ZZEF1: variants seen among roughly 807,000 people sequenced by gnomAD.
ZZEF1 encodes zinc finger ZZ-type and EF-hand domain-containing protein 1.
ZZEF1 carries 157 observed loss-of-function variants against 342.8 expected under a neutral mutation model. That is an observed-to-expected ratio of 0.46 (90% confidence interval 0.40 to 0.52). The LOEUF (loss-of-function observed/expected upper bound fraction) is 0.52, where lower values mean the gene tolerates loss of function less well. Among genes scored for constraint, ZZEF1 ranks in the 20% least tolerant of loss-of-function variants. The pLI, the probability that ZZEF1 is intolerant of heterozygous loss-of-function variation, is 0.00. For missense variants in ZZEF1, 3,480 were observed against 3,725.6 expected (o/e 0.93, Z 1.72); for synonymous variants, 1,505 against 1,429.1 (o/e 1.05, Z -1.20).
chr17:4,104,386 A>C (rs1420744442), intron 8 of ZZEF1, among the ~76,000 whole-genome samples: 2 of 152,176 alleles, frequency 1.3e-5, no homozygotes, highest in African/African-American at 4.8e-5. Context: ...ATGGGAGTAT[A>C]GCCTTGTGGA....
chr17:4,080,094 A>G (rs2057694049), intron 18 of ZZEF1, among the ~76,000 whole-genome samples: 1 of 152,176 alleles, frequency 6.6e-6, no homozygotes, highest in Admixed American at 6.5e-5. Flanking sequence ...GCAGGTTCTT[A>G]AGCCCTATCC....
At chr17:4,048,001 A>ACC (rs1368445938) in intron 37 of ZZEF1, among the ~76,000 whole-genome samples, 1 of 152,176 alleles carries the variant, frequency 6.6e-6, no homozygotes, top group Non-Finnish European at 1.5e-5. Flanking sequence ...CCATAAAAAA[A>ACC]CCCTATTAAG....
In ZZEF1 at chr17:4,064,688, G is replaced by T. The variant is rs1338891413; in HGVS notation, c.4391C>A (p.Ser1464Tyr). The T allele has an allele frequency of 6.2e-7, 1 of 1,614,236 alleles. No individual in the cohort carries two copies. The highest frequency in any genetic ancestry group is 1.3e-5 in the African/African-American group (1 of 75,064). Residue 1464 changes from serine to tyrosine, a missense_variant, in exon 29 of 55, where the codon TCT becomes TAT. Transcript: ENST00000381638. ...QPLNKRQRTS[S>Y]VVEEHFQASV... ...GGCTTGGAAATGCTCTTCCACCACA[G>T]AGCTTGTCCTCTGACGCTTGTTGAG... is the stretch of plus-strand genomic sequence containing the variant.
At chr17:4,137,404 A>T (rs1458787686) in intron 1 of ZZEF1, among the ~76,000 whole-genome samples, 2 of 152,244 alleles carry the variant, frequency 1.3e-5, no homozygotes, top group Admixed American at 6.5e-5. Flanking sequence ...AGGTCAGGAG[A>T]TCGAGACCAT....
chr17:4,059,946 A>G (rs2057249105), intron 30 of ZZEF1, among the ~76,000 whole-genome samples: 1 of 152,214 alleles, frequency 6.6e-6, no homozygotes, highest in Non-Finnish European at 1.5e-5. Context: ...CTTTTCTTCA[A>G]TACCAGTGGG....
chr17:4,010,804 C>T (rs1412807688), intron 52 of ZZEF1, among the ~76,000 whole-genome samples: 1 of 151,006 alleles, frequency 6.6e-6, no homozygotes, highest in African/African-American at 2.4e-5. Context: ...AAATAACCTG[C>T]ATATACAGCA....
Position 4,005,156 on chromosome 17 carries a change from T to A in ZZEF1, c.*1734A>T, listed in dbSNP as rs576415227. On this transcript the variant is annotated 3_prime_UTR_variant, in exon 55 of 55. Coordinates refer to ENST00000381638, the MANE Select transcript of ZZEF1 (RefSeq NM_015113.4). ...CTCCCAAGCACTAAGACTTGTTTCC[T>A]GTGAGTCCCCTCTTGGGAAACTCCT... The A allele has an allele frequency of 6.6e-5, 10 of 152,446 alleles. No individual in the cohort carries two copies. The East Asian group carries it at 1.5e-3, about 24-fold the overall frequency. 9.4% of individuals were successfully genotyped at this position (152,446 alleles called of 1,614,324 possible). A position where few individuals can be genotyped will look rare whatever the true frequency, so the allele number is the denominator to read the frequency against.
rs1203188641 is a variant in ZZEF1, at chr17:4,032,923, T to G, written c.6664A>C (p.Ile2222Leu). The G allele has an allele frequency of 2.5e-6, 4 of 1,613,384 alleles. No homozygotes were observed. In the African/African-American group the frequency reaches 5.3e-5, roughly 22 times the overall value. The change falls in exon 41 of 55, where the codon ATT becomes CTT. Residue 2222 changes from isoleucine (I) to leucine (L), a missense_variant. Ile to Leu is a conservative substitution (Grantham distance 5). Transcript: ENST00000381638. ...LNSAPLWRDV[I>L]ATFTDHCIKQ... ...ATGCAGTGGTCTGTGAAGGTGGCAA[T>G]GACATCACGCCACAGTGGGGCACTG...
intron 24 of ZZEF1, 56 bp downstream of exon 24, chr17:4,074,094 G>T: frequency 6.3e-7 from 1 of 1,586,540 alleles, no homozygotes; most frequent in Non-Finnish European, 8.6e-7. Context: ...GGGCAAGCGC[G>T]CATCTTGCAC....
chr17:4,086,452 A>C, intron 15 of ZZEF1, 34 bp downstream of exon 15: 1 of 1,611,858 alleles, frequency 6.2e-7, no homozygotes, highest in Non-Finnish European at 8.5e-7. Context: ...CTACCTACAC[A>C]GGGTTGTATT....
intron 25 of ZZEF1, among the ~76,000 whole-genome samples, chr17:4,071,893 A>G (rs1019738139): frequency 7.9e-5 from 12 of 152,160 alleles, no homozygotes; most frequent in African/African-American, 2.7e-4. Context: ...AGTGGAGAGG[A>G]TGAAGTCTTG....
chr17:4,095,777 C>T, intron 11 of ZZEF1, 54 bp downstream of exon 11: 1 of 1,538,486 alleles, frequency 6.5e-7, no homozygotes, highest in South Asian at 1.3e-5. Flanking sequence ...TTATTAACTA[C>T]AAAGATTTTT....
intron 25 of ZZEF1, 82 bp from the exon 26 acceptor site, chr17:4,071,006 C>G: frequency 6.6e-7 from 1 of 1,516,824 alleles, no homozygotes; most frequent in Admixed American, 2.0e-5. Flanking sequence ...TAGGCCAAAG[C>G]AGAAGTATAA....
rs541178818 is a variant in ZZEF1, at chr17:4,079,988, C to T, written c.2829+1388G>A. ...TAGTCTACCACAAAATCTCCTCCAGCTCTCTGGTTCCCATATTTAGCCCAA... is the reference window on the plus strand; with the variant it reads ...TAGTCTACCACAAAATCTCCTCCAGTTCTCTGGTTCCCATATTTAGCCCAA... On this transcript the variant is annotated intron_variant, in intron 18 of 54. Coordinates refer to ENST00000381638, the MANE Select transcript of ZZEF1 (RefSeq NM_015113.4). Among the ~76,000 whole-genome samples, 5 of 152,372 alleles carry T rather than the reference C, an allele frequency of 3.3e-5. No individual in the cohort carries two copies. In the East Asian group the frequency reaches 9.6e-4, roughly 29 times the overall value.
rs751317105 is a variant in ZZEF1 at position 4,056,352 on chromosome 17, G to A, written c.5166-7C>T. 39 of 1,583,782 alleles carry A rather than the reference G, an allele frequency of 2.5e-5. No individual in the cohort carries two copies. The highest frequency in any genetic ancestry group is 3.0e-5 in the Non-Finnish European group (35 of 1,165,284). Reference sequence around the variant, plus strand: ...ATCTTCTTCACTCCATTGGCTGAAAGAAGGACATAAAGAGAGAAAAGCATG... The same window carrying A: ...ATCTTCTTCACTCCATTGGCTGAAAAAAGGACATAAAGAGAGAAAAGCATG... On this transcript the variant is annotated splice_polypyrimidine_tract_variant and splice_region_variant and intron_variant, in intron 32 of 54. Transcript: ENST00000381638.
chr17:4,127,764 C>T (rs920967860), intron 1 of ZZEF1, among the ~76,000 whole-genome samples: 1 of 152,180 alleles, frequency 6.6e-6, no homozygotes, highest in Non-Finnish European at 1.5e-5. Flanking sequence ...AATCTTCCCC[C>T]AGGTTTCCCA....
At chr17:4,060,815 G>A (rs1478074583) in intron 30 of ZZEF1, among the ~76,000 whole-genome samples, 1 of 152,114 alleles carries the variant, frequency 6.6e-6, no homozygotes, top group Non-Finnish European at 1.5e-5. Context: ...TGTGGACACC[G>A]TGTGTCCTAT....
intron 16 of ZZEF1, among the ~76,000 whole-genome samples, chr17:4,085,043 T>C (rs1002180483): frequency 6.6e-6 from 1 of 152,156 alleles, no homozygotes; most frequent in Non-Finnish European, 1.5e-5. Flanking sequence ...GCCTGGGAGA[T>C]AGAGAATGCA....
chr17:4,091,602 C>T (rs746360675), intron 11 of ZZEF1, among the ~76,000 whole-genome samples: 21 of 151,904 alleles, frequency 1.4e-4, no homozygotes, highest in Admixed American at 2.6e-4. Flanking sequence ...CATGGCGAAC[C>T]CTGTCTCTAC....
Sources: allele counts gnomAD v4.1 joint callset (sites outside exome capture counted in the v4.1 genomes callset), GRCh38; gene constraint gnomAD v4.1.1; transcripts MANE v1.5; gene names NCBI Gene and HGNC (gene_info 2026-07-23, HGNC 2026-07-21).